CMTR1: variants seen among roughly 807,000 people sequenced by gnomAD.
CMTR1 encodes cap-specific mRNA (nucleoside-2'-O-)-methyltransferase 1.
A neutral mutation model predicts 107.0 loss-of-function variants in CMTR1; 39 were observed. The observed-to-expected ratio is 0.36, with a 90% confidence interval of 0.28 to 0.48. CMTR1 has a LOEUF of 0.48. Among genes scored for constraint, CMTR1 ranks in the 20% least tolerant of loss-of-function variants. The pLI is 0.99. For synonymous variants in CMTR1, 366 were observed against 379.5 expected, an observed-to-expected ratio of 0.96 and a Z score of 0.41; for missense variants, 672 against 1,064.9, an observed-to-expected ratio of 0.63 and a Z score of 5.14.
chr6:37,426,768 C>T, the CMTR1 span, among the ~76,000 whole-genome samples: 7 of 152,100 alleles, frequency 4.6e-5, no homozygotes, highest in South Asian at 2.1e-4. Flanking sequence ...GCTCCATATA[C>T]GTAGTCATTT....
chr6:37,453,524 C>G (rs140845968), intron 8 of CMTR1, among the ~76,000 whole-genome samples: 4 of 152,324 alleles, frequency 2.6e-5, no homozygotes, highest in African/African-American at 9.6e-5. Context: ...GAATCCGAGC[C>G]ACTAACCCTA....
intron 13 of CMTR1, among the ~76,000 whole-genome samples, chr6:37,466,237 C>T (rs368274917): frequency 2.4e-4 from 37 of 151,668 alleles, no homozygotes; most frequent in Admixed American, 7.2e-4. Flanking sequence ...CTCAGCCTCC[C>T]GAGTAGCTGG....
chr6:37,454,122 T>C (rs1172764064), intron 8 of CMTR1, among the ~76,000 whole-genome samples: 1 of 151,990 alleles, frequency 6.6e-6, no homozygotes, highest in Non-Finnish European at 1.5e-5. Flanking sequence ...CCCTTCAGGG[T>C]TTCAAAGCAT....
intron 13 of CMTR1, among the ~76,000 whole-genome samples, chr6:37,463,903 A>G (rs1285756131): frequency 6.6e-6 from 1 of 152,190 alleles, no homozygotes; most frequent in Non-Finnish European, 1.5e-5. Flanking sequence ...TGAGGAAGCA[A>G]ACAGGCCCAG....
In CMTR1 at chr6:37,447,123, GATA is replaced by G. The variant is rs1273135834; in HGVS notation, c.444+675_444+677del. ...TAAAAACACCTAAAAATAACATTGA[GATA>G]TTACCATTACAGAGTTGAAACTAGA... On this transcript the variant is annotated intron_variant, in intron 4 of 23. Coordinates refer to ENST00000373451, the MANE Select transcript of CMTR1 (RefSeq NM_015050.3). Among the ~76,000 whole-genome samples the G allele has an allele frequency of 5.3e-5, 8 of 152,156 alleles. No homozygotes were observed. The East Asian group carries it at 1.5e-3, about 29-fold the overall frequency.
chr6:37,453,913 G>A (rs1761236239), intron 8 of CMTR1, among the ~76,000 whole-genome samples: 1 of 152,182 alleles, frequency 6.6e-6, no homozygotes, highest in Non-Finnish European at 1.5e-5. Flanking sequence ...CCAGCACTAA[G>A]ACTGTAATTT....
chr6:37,460,906 G>T (rs926523158), intron 10 of CMTR1, among the ~76,000 whole-genome samples: 2 of 152,098 alleles, frequency 1.3e-5, no homozygotes, highest in Admixed American at 6.5e-5. Flanking sequence ...TCTGTCTCCT[G>T]CTGGGATCTC....
In CMTR1 at chr6:37,481,290, G is replaced by C. The variant is rs2113900760; in HGVS notation, c.*1145G>C. On this transcript the variant is annotated 3_prime_UTR_variant, in exon 24 of 24. Transcript: ENST00000373451. ...CAGAGATGTTCATGCAGGCTCCCTA[G>C]GGCCCCATCCCAGTGCCAGGCTGGT... 2 of 1,233,306 alleles carry C rather than the reference G, an allele frequency of 1.6e-6. No individual in the cohort carries two copies. Among genetic ancestry groups the C allele is most frequent in the Middle Eastern group, 3.6e-4 (1 of 2,816 alleles). 76.4% of individuals were successfully genotyped at this position (1,233,306 alleles called of 1,614,324 possible).
At chr6:37,429,716 G>C (rs142856447), upstream of CMTR1, among the ~76,000 whole-genome samples, 882 of 152,318 alleles carry the variant, frequency 5.8e-3, 4 homozygotes, top group South Asian at 0.031. Context: ...AAGGCAGGTG[G>C]ATCACGAAGT....
chr6:37,461,364 G>A (rs750572001), intron 10 of CMTR1, among the ~76,000 whole-genome samples, 185 bp from the exon 11 acceptor site: 19 of 152,224 alleles, frequency 1.2e-4, no homozygotes, highest in Non-Finnish European at 1.0e-4. Context: ...CCTGGGTCCT[G>A]TGCTTACTCC....
At position 37,475,322 on chromosome 6, in the gene CMTR1, G is replaced by A. The variant is rs1284706078; in HGVS notation, c.1946G>A (p.Gly649Glu). The A allele has an allele frequency of 6.2e-7, 1 of 1,613,474 alleles. No homozygotes were observed. Among genetic ancestry groups the A allele is most frequent in the South Asian group, 1.1e-5 (1 of 90,858 alleles). Residue 649 changes from glycine (G) to glutamate (E), a missense_variant and splice_region_variant, in exon 19 of 24, where the codon GGG becomes GAG. Physicochemically the swap from Gly to Glu is moderately conservative, Grantham distance 98. Coordinates refer to ENST00000373451, the MANE Select transcript of CMTR1 (RefSeq NM_015050.3). The part of the protein sequence containing the change: ...VEIVHELKGE[G>E]KAQRKISAIH... ...CAGTGTACCTACTTATCCTTCTAGGGGAAGGCCCAGAGGAAGATCAGTGCC... is the reference window on the plus strand; with the variant it reads ...CAGTGTACCTACTTATCCTTCTAGGAGAAGGCCCAGAGGAAGATCAGTGCC...
chr6:37,451,806 A>G lies in CMTR1; in HGVS notation c.538A>G (p.Arg180Gly). ...EMSDWMVVGK[R>G]KMIIEDETEF... ...ACTTACTGCTTTTTTCTCCCTGTAG[A>G]GAAAGATGATTATTGAAGATGAAAC... Residue 180 changes from arginine (R) to glycine (G), a missense_variant and splice_region_variant, in exon 6 of 24, where the codon AGA becomes GGA. Arg to Gly is a moderately radical substitution (Grantham distance 125). Transcript: ENST00000373451. 6.2e-7 allele frequency: 1 copy of G among 1,612,692 alleles called. No homozygotes were observed. The highest frequency in any genetic ancestry group is 1.1e-5 in the South Asian group (1 of 91,040).
intron 13 of CMTR1, 70 bp from the exon 14 acceptor site, chr6:37,470,948 ACCT>A (rs1761611474): frequency 3.0e-6 from 4 of 1,315,228 alleles, no homozygotes; most frequent in Non-Finnish European, 4.2e-6. Flanking sequence ...CTCCCGTTTA[ACCT>A]CTCTGTCCTG....
At chr6:37,461,922 C>A in intron 11 of CMTR1, 48 bp from the exon 12 acceptor site, 10 of 1,606,058 alleles carry the variant, frequency 6.2e-6, no homozygotes, top group Non-Finnish European at 8.5e-6. Flanking sequence ...TCACCCATCT[C>A]TTGGAATAGA....
intron 6 of CMTR1, 138 bp downstream of exon 6, chr6:37,452,015 C>A: frequency 1.5e-6 from 1 of 648,562 alleles, no homozygotes; most frequent in Non-Finnish European, 2.7e-6. Flanking sequence ...TAGCTTGGTT[C>A]ATATCTGCAA....
Position 37,474,598 on chromosome 6 carries a change from C to G in CMTR1, c.1896C>G (p.Pro632=), listed in dbSNP as rs2113893835. 1 of 1,614,112 alleles carries G rather than the reference C, an allele frequency of 6.2e-7. No individual in the cohort carries two copies. Among genetic ancestry groups the G allele is most frequent in the Non-Finnish European group, 8.5e-7 (1 of 1,180,004 alleles). ...AGCTAGACCTGAAGACAGAGCTGCC[C>G]CGGGACACTCTGCTATCTGTGGAAA... The part of the protein sequence containing the change: ...WIKLDLKTEL[P]RDTLLSVEIV... The change falls in exon 18 of 24, where the codon CCC becomes CCG. Residue 632 remains proline (P), a synonymous_variant. Transcript: ENST00000373451.
chr6:37,439,511 A>C (rs974003117), intron 2 of CMTR1, among the ~76,000 whole-genome samples: 13 of 152,214 alleles, frequency 8.5e-5, no homozygotes, highest in African/African-American at 3.1e-4. Context: ...TTTCCTAAAT[A>C]GGCTATTTGC....
At position 37,462,053 on chromosome 6, in the gene CMTR1, C is replaced by T. The variant is rs771545316; in HGVS notation, c.1276C>T (p.Arg426Ter). The change falls in exon 12 of 24, where the codon CGA (arginine) becomes TGA (stop). Residue 426 changes from arginine to a stop codon, truncating the protein, a stop_gained. Coordinates refer to ENST00000373451, the MANE Select transcript of CMTR1 (RefSeq NM_015050.3). LOFTEE classifies it high-confidence loss of function. ...LVYLLYCCFE[R>*]VCLFKPITSR... is the part of the protein sequence containing the mutation. ...CTACCTGCTGTACTGCTGCTTTGAA[C>T]GAGTTTGTCTCTTCAAGCCTATTAC... 1.2e-6 allele frequency: 2 copies of T among 1,613,820 alleles called. No homozygotes were observed. The highest frequency in any genetic ancestry group is 1.3e-5 in the African/African-American group (1 of 74,848).
Position 37,444,004 on chromosome 6 carries a change from A to C in CMTR1, c.139A>C (p.Thr47Pro). 1.9e-6 allele frequency: 3 copies of C among 1,612,318 alleles called. No individual in the cohort carries two copies. The highest frequency in any genetic ancestry group is 2.5e-6 in the Non-Finnish European group (3 of 1,179,566). The change falls in exon 3 of 24, where the codon ACT becomes CCT. Residue 47 changes from threonine to proline, a missense_variant. This residue lies in a region of CMTR1 where 89 missense variants were observed against 96.6 expected (regional missense o/e 0.92). Coordinates refer to ENST00000373451, the MANE Select transcript of CMTR1 (RefSeq NM_015050.3). ...TTTTCCTTTTTCTTTTTCAGCATCT[A>C]CTACAAGCCTTAGTGGGTCTGATAG... is the stretch of plus-strand genomic sequence containing the variant. ...SSVSHGAKAS[T>P]TSLSGSDSET...
Sources: gnomAD v4.1 joint callset for allele counts (sites outside exome capture counted in the v4.1 genomes callset) on GRCh38, gnomAD v4.1.1 for gene constraint, gnomAD v4.1.1 regional missense constraint, MANE v1.5 for transcripts, NCBI Gene and HGNC (gene_info 2026-07-23, HGNC 2026-07-21) for gene names.